The following DPP10 variants were observed in gnomAD, a reference collection of about 807,000 sequenced individuals.
DPP10 encodes dipeptidyl peptidase like 10, also known as inactive dipeptidyl peptidase 10.
In DPP10, 33 loss-of-function variants were observed where a neutral mutation model predicts 120.9. That is an observed-to-expected ratio of 0.27 (90% CI 0.21 to 0.37). The LOEUF (loss-of-function observed/expected upper bound fraction) is 0.37. Ranked by LOEUF, DPP10 falls within the 10% of genes least tolerant of loss-of-function variation. The pLI is 1.00. For synonymous variants in DPP10, 337 were observed against 326.1 expected (o/e 1.03, Z -0.36); for missense variants, 816 against 942.8 (o/e 0.87, Z 1.76).
intron 5 of DPP10, among the ~76,000 whole-genome samples, chr2:115,661,860 C>A (rs2089004055): frequency 6.6e-6 from 1 of 152,186 alleles, no homozygotes; most frequent in African/African-American, 2.4e-5. Flanking sequence ...TTACTATCAT[C>A]TATTTTTGTG....
chr2:115,106,991 C>T (rs1299020047), intron 1 of DPP10, among the ~76,000 whole-genome samples: 2 of 151,384 alleles, frequency 1.3e-5, no homozygotes, highest in Non-Finnish European at 2.9e-5. Context: ...AGGAGAATGA[C>T]GTGAACCCGG....
intron 5 of DPP10, among the ~76,000 whole-genome samples, chr2:115,575,799 T>A (rs1026093173): frequency 2.6e-5 from 4 of 152,122 alleles, no homozygotes; most frequent in Admixed American, 2.6e-4. Context: ...ATATGGACCC[T>A]TAAAGGCATA....
At chr2:114,712,284 C>T (rs1380167238) in intron 1 of DPP10, among the ~76,000 whole-genome samples, 1 of 152,180 alleles carries the variant, frequency 6.6e-6, no homozygotes, top group Non-Finnish European at 1.5e-5. Context: ...CATGCCACTG[C>T]ACTCCAGCCT....
intron 1 of DPP10, among the ~76,000 whole-genome samples, chr2:114,986,176 A>G (rs536750514): frequency 1.5e-4 from 23 of 152,270 alleles, no homozygotes; most frequent in African/African-American, 5.3e-4. Context: ...AAATGGTAAA[A>G]TTTACTTCTA....
At chr2:114,627,382 T>C (rs558703034) in intron 1 of DPP10, among the ~76,000 whole-genome samples, 5 of 152,252 alleles carry the variant, frequency 3.3e-5, no homozygotes, top group African/African-American at 1.2e-4. Context: ...CTTTCTCTTC[T>C]TTTGTAAATC....
chr2:114,830,194 T>C (rs1437232434), intron 1 of DPP10, among the ~76,000 whole-genome samples: 1 of 152,130 alleles, frequency 6.6e-6, no homozygotes, highest in Non-Finnish European at 1.5e-5. Flanking sequence ...GCCCAGAAGA[T>C]AATCCCAAAC....
At chr2:114,696,096 T>A (rs1429088070) in intron 1 of DPP10, among the ~76,000 whole-genome samples, 1 of 152,042 alleles carries the variant, frequency 6.6e-6, no homozygotes, top group Non-Finnish European at 1.5e-5. Flanking sequence ...AAATTTGTTA[T>A]TGAGGTTCTT....
chr2:114,668,646 A>G (rs1051732552), intron 1 of DPP10, among the ~76,000 whole-genome samples: 1 of 152,206 alleles, frequency 6.6e-6, no homozygotes, highest in Non-Finnish European at 1.5e-5. Flanking sequence ...GCCTAAGGTA[A>G]AACCTGATAC....
intron 1 of DPP10, among the ~76,000 whole-genome samples, chr2:114,921,331 T>C (rs1176910459): frequency 6.6e-6 from 1 of 152,178 alleles, no homozygotes; most frequent in Non-Finnish European, 1.5e-5. Context: ...CTTTGAAATG[T>C]AGTTGGAATG....
At chr2:115,063,969 A>G (rs1706632515) in intron 1 of DPP10, among the ~76,000 whole-genome samples, 1 of 152,126 alleles carries the variant, frequency 6.6e-6, no homozygotes, top group Admixed American at 6.6e-5. Flanking sequence ...TTCTGGTATT[A>G]CAATGGGTTT....
At chr2:115,246,336 A>G (rs1382225175) in intron 1 of DPP10, among the ~76,000 whole-genome samples, 2 of 152,134 alleles carry the variant, frequency 1.3e-5, no homozygotes, top group Non-Finnish European at 2.9e-5. Context: ...TGAGCTTTCC[A>G]CCAATGGAAT....
intron 1 of DPP10, among the ~76,000 whole-genome samples, chr2:115,171,370 A>AAAAG (rs1553506559): frequency 9.0e-5 from 13 of 144,934 alleles, no homozygotes; most frequent in Non-Finnish European, 1.2e-4. Context: ...AAAAAAAAAA[A>AAAAG]AAAAGAAAAG....
chr2:115,197,942 T>C (rs1273763920), intron 1 of DPP10, among the ~76,000 whole-genome samples: 1 of 152,192 alleles, frequency 6.6e-6, no homozygotes, highest in African/African-American at 2.4e-5. Flanking sequence ...GTAGTGTATC[T>C]CTGGACGTGA....
At chr2:115,678,255 C>T (rs1009416367) in intron 5 of DPP10, among the ~76,000 whole-genome samples, 1 of 152,218 alleles carries the variant, frequency 6.6e-6, no homozygotes, top group African/African-American at 2.4e-5. Context: ...ACGGCATCCC[C>T]GCCTGTCACA....
At chr2:115,734,851 C>T (rs1368820724) in intron 8 of DPP10, among the ~76,000 whole-genome samples, 1 of 152,002 alleles carries the variant, frequency 6.6e-6, no homozygotes, top group East Asian at 1.9e-4. Flanking sequence ...AAAGGTGGCA[C>T]GTTCAAAAGG....
At chr2:115,629,535 G>T (rs1251195636) in intron 5 of DPP10, among the ~76,000 whole-genome samples, 1 of 152,190 alleles carries the variant, frequency 6.6e-6, no homozygotes, top group Non-Finnish European at 1.5e-5. Context: ...GTATCTCATT[G>T]TGGTTGATTT....
intron 1 of DPP10, among the ~76,000 whole-genome samples, chr2:115,142,070 G>C (rs1486879958): frequency 6.6e-6 from 1 of 152,148 alleles, no homozygotes; most frequent in Non-Finnish European, 1.5e-5. Flanking sequence ...CAGCACGTGG[G>C]GCTAGGCTAG....
At chr2:115,267,435 G>A (rs1471781357) in intron 1 of DPP10, among the ~76,000 whole-genome samples, 1 of 152,056 alleles carries the variant, frequency 6.6e-6, no homozygotes, top group Non-Finnish European at 1.5e-5. Context: ...TTTTAGGAAG[G>A]AAATCTGCCA....
chr2:114,552,280 G>A (rs191743134), intron 1 of DPP10, among the ~76,000 whole-genome samples: 62 of 152,300 alleles, frequency 4.1e-4, no homozygotes, highest in African/African-American at 1.0e-3. Context: ...CAATTAATAC[G>A]ATGCTAAGGG....
Sources: allele counts gnomAD v4.1 joint callset (sites outside exome capture counted in the v4.1 genomes callset), GRCh38; gene constraint gnomAD v4.1.1; transcripts MANE v1.5; gene names NCBI Gene and HGNC (gene_info 2026-07-23, HGNC 2026-07-21).